TAFA2: variants seen among roughly 807,000 people sequenced by gnomAD.
The protein encoded by TAFA2 is chemokine-like protein TAFA-2.
In TAFA2, 7 loss-of-function variants were observed where a neutral mutation model predicts 18.8. That is an observed-to-expected ratio of 0.37 (90% confidence interval 0.21 to 0.70). The LOEUF (loss-of-function observed/expected upper bound fraction) is 0.70, where lower values mean the gene tolerates loss of function less well. TAFA2 is among the 30% of genes least tolerant of loss of function. The pLI, the probability that TAFA2 is intolerant of heterozygous loss-of-function variation, is 0.53. For synonymous variants in TAFA2, 60 were observed against 54.2 expected (o/e 1.11, Z -0.47); for missense variants, 122 against 158.1 (o/e 0.77, Z 1.23).
intron 1 of TAFA2, among the ~76,000 whole-genome samples, chr12:61,996,882 T>C (rs1486536971): frequency 6.6e-6 from 1 of 152,208 alleles, no homozygotes; most frequent in African/African-American, 2.4e-5. Flanking sequence ...AAGCATAGCA[T>C]ACTGTCAATC....
intron 1 of TAFA2, among the ~76,000 whole-genome samples, chr12:62,091,809 C>T (rs964662777): frequency 6.6e-6 from 1 of 151,960 alleles, no homozygotes; most frequent in African/African-American, 2.4e-5. Flanking sequence ...TGTCTCATAT[C>T]TGCTCTAGGA....
intron 1 of TAFA2, among the ~76,000 whole-genome samples, chr12:62,255,664 C>A (rs1189066975): frequency 1.3e-5 from 2 of 151,700 alleles, no homozygotes; most frequent in African/African-American, 4.8e-5. Context: ...ACCAGCCTGG[C>A]CAACATGGTG....
intron 4 of TAFA2, among the ~76,000 whole-genome samples, chr12:61,726,924 G>T (rs919062072): frequency 2.0e-5 from 3 of 151,886 alleles, no homozygotes; most frequent in African/African-American, 7.2e-5. Flanking sequence ...TTTGCTGAGG[G>T]TTTTAATCAT....
At chr12:61,803,431 A>G (rs1001071167) in intron 2 of TAFA2, among the ~76,000 whole-genome samples, 1 of 151,966 alleles carries the variant, frequency 6.6e-6, no homozygotes, top group Non-Finnish European at 1.5e-5. Flanking sequence ...CAGATTCTCT[A>G]ACCAACTTTG....
intron 1 of TAFA2, among the ~76,000 whole-genome samples, chr12:62,153,834 C>A (rs939443446): frequency 2.0e-5 from 3 of 152,080 alleles, no homozygotes; most frequent in Admixed American, 6.6e-5. Flanking sequence ...ATAAAGTTTA[C>A]ACCTATATAT....
At chr12:61,769,690 G>A (rs1869943473) in intron 2 of TAFA2, among the ~76,000 whole-genome samples, 2 of 150,216 alleles carry the variant, frequency 1.3e-5, no homozygotes, top group Admixed American at 6.6e-5. Flanking sequence ...GGAGAAGGGG[G>A]AGAGCACCAT....
chr12:62,105,947 T>C (rs753167565), intron 1 of TAFA2, among the ~76,000 whole-genome samples: 1 of 152,204 alleles, frequency 6.6e-6, no homozygotes, highest in Non-Finnish European at 1.5e-5. Flanking sequence ...CTAACAGAGT[T>C]CCTATTTAAT....
At chr12:62,057,461 TATG>T (rs1882217194) in intron 1 of TAFA2, among the ~76,000 whole-genome samples, 1 of 152,168 alleles carries the variant, frequency 6.6e-6, no homozygotes, top group Admixed American at 6.5e-5. Context: ...ATTATGATTA[TATG>T]AGGGTTTATT....
At chr12:61,728,793 A>G (rs1870299919) in intron 4 of TAFA2, among the ~76,000 whole-genome samples, 1 of 138,962 alleles carries the variant, frequency 7.2e-6, no homozygotes, top group Non-Finnish European at 1.6e-5. Context: ...TTGGTGTCCC[A>G]ATACCTTGAT....
At chr12:62,098,744 G>C (rs900058785) in intron 1 of TAFA2, among the ~76,000 whole-genome samples, 2 of 152,092 alleles carry the variant, frequency 1.3e-5, no homozygotes, top group East Asian at 1.9e-4. Context: ...TATCTCTTCA[G>C]TGTAATGATC....
At chr12:62,051,836 T>C (rs1399630308) in intron 1 of TAFA2, among the ~76,000 whole-genome samples, 2 of 152,040 alleles carry the variant, frequency 1.3e-5, no homozygotes, top group African/African-American at 2.4e-5. Flanking sequence ...AAATAAGTTT[T>C]ATAGATAATT....
At chr12:61,949,344 G>A (rs1592507685) in intron 1 of TAFA2, among the ~76,000 whole-genome samples, 1 of 152,044 alleles carries the variant, frequency 6.6e-6, no homozygotes, top group East Asian at 1.9e-4. Flanking sequence ...TATACCACTG[G>A]CTCTCCTGAT....
chr12:61,750,004 C>T (rs547830036), intron 4 of TAFA2, among the ~76,000 whole-genome samples: 102 of 151,922 alleles, frequency 6.7e-4, no homozygotes, highest in African/African-American at 2.5e-3. Context: ...CACACACACA[C>T]ACACACACAC....
chr12:62,088,798 C>T (rs1207234467), intron 1 of TAFA2, among the ~76,000 whole-genome samples: 3 of 151,806 alleles, frequency 2.0e-5, no homozygotes, highest in African/African-American at 7.3e-5. Context: ...TCAAGGAGTG[C>T]CAAACACATT....
At chr12:62,198,966 G>GGCAAATATAA (rs547836840) in intron 1 of TAFA2, among the ~76,000 whole-genome samples, 538 of 152,258 alleles carry the variant, frequency 3.5e-3, no homozygotes, top group Middle Eastern at 6.8e-3. Context: ...ACATGTAGTA[G>GGCAAATATAA]GCAAATATAA....
At chr12:61,826,266 TA>T (rs1872533612) in intron 2 of TAFA2, among the ~76,000 whole-genome samples, 1 of 151,918 alleles carries the variant, frequency 6.6e-6, no homozygotes, top group Admixed American at 6.6e-5. Context: ...TACTACCCTT[TA>T]AAAAAATATT....
At chr12:61,812,542 T>C (rs1254298216) in intron 2 of TAFA2, among the ~76,000 whole-genome samples, 2 of 150,232 alleles carry the variant, frequency 1.3e-5, no homozygotes, top group Non-Finnish European at 1.5e-5. Context: ...CCCCCGAACA[T>C]GAACAATAAA....
At chr12:62,027,184 T>C (rs185247854) in intron 1 of TAFA2, among the ~76,000 whole-genome samples, 6 of 152,292 alleles carry the variant, frequency 3.9e-5, no homozygotes, top group African/African-American at 1.2e-4. Flanking sequence ...GAAAATGTTC[T>C]ATGCTGGACC....
chr12:61,725,695 T>G (rs550534114), intron 4 of TAFA2, among the ~76,000 whole-genome samples: 2 of 152,248 alleles, frequency 1.3e-5, no homozygotes, highest in Admixed American at 6.6e-5. Context: ...AGCCTTATAG[T>G]ATAGTTTGAA....
Sources: allele counts gnomAD v4.1 joint callset (sites outside exome capture counted in the v4.1 genomes callset), GRCh38; gene constraint gnomAD v4.1.1; transcripts MANE v1.5; gene names NCBI Gene and HGNC (gene_info 2026-07-23, HGNC 2026-07-21).